PIP5K1B: variants seen among roughly 807,000 people sequenced by gnomAD.
PIP5K1B encodes the protein phosphatidylinositol 4-phosphate 5-kinase type-1 beta.
In PIP5K1B, 42 loss-of-function variants were observed where a neutral mutation model predicts 67.0. That is an observed-to-expected ratio of 0.63 (90% CI 0.49 to 0.81). The LOEUF (loss-of-function observed/expected upper bound fraction) is 0.81. Among genes scored for constraint, PIP5K1B ranks in the 30% least tolerant of loss-of-function variants. The pLI, the probability that PIP5K1B is intolerant of heterozygous loss-of-function variation, is 0.00. For synonymous variants in PIP5K1B, 214 were observed against 231.4 expected, an observed-to-expected ratio of 0.92 and a Z score of 0.68; for missense variants, 459 against 646.3, an observed-to-expected ratio of 0.71 and a Z score of 3.14.
chr9:68,977,655 CTT>C (rs758854141), intron 14 of PIP5K1B, among the ~76,000 whole-genome samples: 3 of 133,062 alleles, frequency 2.3e-5, no homozygotes, highest in Middle Eastern at 3.9e-3. Context: ...TTATTGGCTT[CTT>C]TTTTTTTTTT....
chr9:68,889,241 G>T, intron 7 of PIP5K1B, 108 bp downstream of exon 7: 1 of 796,070 alleles, frequency 1.3e-6, no homozygotes. Context: ...CTTTCTCTTT[G>T]GTAAGCTTTA....
chr9:68,852,532 C>T (rs767590383), intron 4 of PIP5K1B, among the ~76,000 whole-genome samples: 23 of 152,160 alleles, frequency 1.5e-4, no homozygotes, highest in Admixed American at 3.3e-4. Context: ...AACCTCCGTC[C>T]AGTCTTCTGC....
intron 1 of PIP5K1B, among the ~76,000 whole-genome samples, chr9:68,718,022 C>T (rs886778099): frequency 2.6e-5 from 4 of 152,132 alleles, no homozygotes; most frequent in African/African-American, 9.7e-5. Context: ...TGCAATCTGC[C>T]ATCCCCCTGG....
intron 8 of PIP5K1B, among the ~76,000 whole-genome samples, chr9:68,905,135 C>T (rs570352895): frequency 6.6e-6 from 1 of 151,922 alleles, no homozygotes; most frequent in African/African-American, 2.4e-5. Flanking sequence ...GGAGTAAGGT[C>T]AATATAGGCC....
rs1833702551 is a variant in PIP5K1B at position 68,820,959 on chromosome 9, A to G, written c.1-1656A>G. ...AGTGTGTAAAAATGTAAACTTCTCT[A>G]TATCATAATTATGAAACAAGTTAAA... On this transcript the variant is annotated intron_variant, in intron 3 of 15. Coordinates refer to ENST00000265382, the MANE Select transcript of PIP5K1B (RefSeq NM_003558.4). 2.0e-5 allele frequency among the ~76,000 whole-genome samples: 3 copies of G among 152,348 alleles called. No homozygotes were observed. The South Asian group carries it at 6.2e-4, about 32-fold the overall frequency.
chr9:68,988,800 A>C, intron 14 of PIP5K1B, among the ~76,000 whole-genome samples: 1 of 101,716 alleles, frequency 9.8e-6, no homozygotes, highest in East Asian at 2.8e-4. Context: ...CTTACTTCTT[A>C]AGATCTACAC....
intron 2 of PIP5K1B, among the ~76,000 whole-genome samples, chr9:68,811,599 C>T (rs1321250969): frequency 6.6e-6 from 1 of 152,200 alleles, no homozygotes; most frequent in African/African-American, 2.4e-5. Context: ...GTTCTGACCC[C>T]AGCTGACCTC....
At chr9:68,848,540 T>C (rs759007057) in intron 4 of PIP5K1B, among the ~76,000 whole-genome samples, 3 of 152,212 alleles carry the variant, frequency 2.0e-5, no homozygotes, top group East Asian at 3.8e-4. Flanking sequence ...TATATTTAAT[T>C]GTGAATATGG....
chr9:68,913,966 G>T (rs1480629602), intron 8 of PIP5K1B, among the ~76,000 whole-genome samples: 1 of 152,004 alleles, frequency 6.6e-6, no homozygotes, highest in African/African-American at 2.4e-5. Flanking sequence ...TGTCTCACCT[G>T]TAAAATTGCA....
chr9:68,734,129 A>G (rs1451378846), intron 1 of PIP5K1B, among the ~76,000 whole-genome samples: 1 of 152,192 alleles, frequency 6.6e-6, no homozygotes, highest in Non-Finnish European at 1.5e-5. Flanking sequence ...TTATATTCCT[A>G]CCTCATTGAC....
At chr9:68,770,609 C>T (rs183377884) in intron 2 of PIP5K1B, among the ~76,000 whole-genome samples, 2 of 152,272 alleles carry the variant, frequency 1.3e-5, no homozygotes, top group Non-Finnish European at 2.9e-5. Flanking sequence ...CTGCCTGAGC[C>T]CCGCCTCCTG....
At chr9:68,772,969 G>C (rs1481503500) in intron 2 of PIP5K1B, among the ~76,000 whole-genome samples, 1 of 152,136 alleles carries the variant, frequency 6.6e-6, no homozygotes, top group Admixed American at 6.5e-5. Flanking sequence ...CAACAAAAAG[G>C]CTGCATCCCC....
At chr9:68,924,957 G>A (rs891432858) in intron 12 of PIP5K1B, among the ~76,000 whole-genome samples, 9 of 152,044 alleles carry the variant, frequency 5.9e-5, no homozygotes, top group Middle Eastern at 3.4e-3. Context: ...ATGTATTTAC[G>A]TTAAAATGAT....
At chr9:68,808,031 G>A (rs1006082348) in intron 2 of PIP5K1B, among the ~76,000 whole-genome samples, 1 of 152,006 alleles carries the variant, frequency 6.6e-6, no homozygotes, top group Non-Finnish European at 1.5e-5. Context: ...AACCCTGTCT[G>A]TACCAAAAAT....
intron 15 of PIP5K1B, among the ~76,000 whole-genome samples, chr9:68,999,542 C>G: frequency 6.6e-6 from 1 of 152,202 alleles, no homozygotes. Flanking sequence ...GAAGTAAAAT[C>G]CCTGGGGGTG....
At chr9:68,876,593 A>G in intron 5 of PIP5K1B, 84 bp from the exon 6 acceptor site, 1 of 786,398 alleles carries the variant, frequency 1.3e-6, no homozygotes, top group Non-Finnish European at 2.3e-6. Context: ...TTGGCCCAGG[A>G]CTAATAGAGC....
At chr9:68,860,519 T>G (rs1823011493) in intron 4 of PIP5K1B, among the ~76,000 whole-genome samples, 1 of 152,212 alleles carries the variant, frequency 6.6e-6, no homozygotes, top group African/African-American at 2.4e-5. Flanking sequence ...TTACCCTTTT[T>G]TCACCAAAAG....
At chr9:68,949,439 G>C (rs1343149584) in intron 14 of PIP5K1B, among the ~76,000 whole-genome samples, 2 of 152,218 alleles carry the variant, frequency 1.3e-5, no homozygotes, top group Non-Finnish European at 2.9e-5. Context: ...TGTTCTTTCT[G>C]AGTAGTGAAA....
At chr9:68,913,409 C>T (rs778784773) in intron 8 of PIP5K1B, among the ~76,000 whole-genome samples, 16 of 152,190 alleles carry the variant, frequency 1.1e-4, no homozygotes, top group Non-Finnish European at 1.8e-4. Flanking sequence ...ATGTTGCTAA[C>T]TCTTAAAGCT....
Sources: allele counts gnomAD v4.1 joint callset (sites outside exome capture counted in the v4.1 genomes callset), GRCh38; gene constraint gnomAD v4.1.1; transcripts MANE v1.5; gene names NCBI Gene and HGNC (gene_info 2026-07-23, HGNC 2026-07-21).